Variants in ZSWIM5 observed in about 807,000 individuals in gnomAD.
ZSWIM5 encodes zinc finger SWIM domain-containing protein 5.
In ZSWIM5, 55 loss-of-function variants were observed where a neutral mutation model predicts 119.6. The observed-to-expected ratio is 0.46, with a 90% CI of 0.37 to 0.58. ZSWIM5 has a LOEUF of 0.58. Ranked by LOEUF, ZSWIM5 falls within the 20% of genes least tolerant of loss-of-function variation. The pLI is 0.00. For missense variants in ZSWIM5, 1,193 were observed against 1,512.8 expected, an observed-to-expected ratio of 0.79 and a Z score of 3.51; for synonymous variants, 537 against 606.9, an observed-to-expected ratio of 0.88 and a Z score of 1.69.
In ZSWIM5 at chr1:45,060,261, G is replaced by A; in HGVS notation, c.953-14C>T. 1 of 1,612,098 alleles carries A rather than the reference G, an allele frequency of 6.2e-7. No individual in the cohort carries two copies. The highest frequency in any genetic ancestry group is 8.5e-7 in the Non-Finnish European group (1 of 1,179,404). On this transcript the variant is annotated splice_polypyrimidine_tract_variant and intron_variant, in intron 2 of 13. Coordinates refer to ENST00000359600, the MANE Select transcript of ZSWIM5 (RefSeq NM_020883.2). ...GGTCAGGGGCACCTATGAAGAATGA[G>A]AACAGTGAAATGAATCACCTGAGTT...
chr1:45,092,546 C>CCT (rs1553193682), intron 1 of ZSWIM5, among the ~76,000 whole-genome samples: 2 of 98,390 alleles, frequency 2.0e-5, no homozygotes, highest in Non-Finnish European at 4.8e-5. Flanking sequence ...CCACCCCCCC[C>CCT]CCCCCGCCAG....
chr1:45,036,312 G>C lies in ZSWIM5; in HGVS notation c.1895-13C>G, dbSNP rs560988958. 6.2e-7 allele frequency: 1 copy of C among 1,605,168 alleles called. No individual in the cohort carries two copies. The highest frequency in any genetic ancestry group is 8.5e-7 in the Non-Finnish European group (1 of 1,175,664). ...CTTTCATTCATATCTGAGGGCAACA[G>C]GGCACCAAATTCTTTAGGTTAGGCT... On this transcript the variant is annotated splice_polypyrimidine_tract_variant and intron_variant, in intron 8 of 13. Transcript: ENST00000359600.
At chr1:45,085,806 G>GTC (rs1263114503) in intron 2 of ZSWIM5, among the ~76,000 whole-genome samples, 2 of 152,128 alleles carry the variant, frequency 1.3e-5, no homozygotes, top group African/African-American at 4.8e-5. Flanking sequence ...AATTTAACAA[G>GTC]TCTCTAGGAA....
Position 45,206,022 on chromosome 1 carries a change from C to G in ZSWIM5, c.329G>C (p.Cys110Ser). 6.2e-7 allele frequency: 1 copy of G among 1,602,970 alleles called. No individual in the cohort carries two copies. Among genetic ancestry groups the G allele is most frequent in the South Asian group, 1.1e-5 (1 of 90,352 alleles). Residue 110 changes from cysteine to serine, a missense_variant, in exon 1 of 14, where the codon TGC becomes TCC. Around this residue, in one of 2 missense-constraint regions of ZSWIM5, gnomAD observed 232 missense variants for 222.9 expected, o/e 1.04. Coordinates refer to ENST00000359600, the MANE Select transcript of ZSWIM5 (RefSeq NM_020883.2). ...CCGGTACTGGAAGCTGGAGTACATG[C>G]AGATCTCCCGCTCATTCCGCGGGAA... ...WSFPRNEREI[C>S]MYSSFQYRGG...
chr1:45,087,329 A>G (rs547189031), intron 2 of ZSWIM5, among the ~76,000 whole-genome samples: 1 of 152,350 alleles, frequency 6.6e-6, no homozygotes, highest in South Asian at 2.1e-4. Context: ...TAGACCCTCA[A>G]CAATCAGCAC....
chr1:45,070,414 G>A (rs191231976), intron 2 of ZSWIM5: 36 of 1,395,934 alleles, frequency 2.6e-5, no homozygotes, highest in Non-Finnish European at 3.4e-5. Context: ...AACGGGACAT[G>A]GTACAAAGTC....
intron 1 of ZSWIM5, among the ~76,000 whole-genome samples, chr1:45,121,363 C>CCTAT (rs1208879184): frequency 1.3e-5 from 2 of 152,184 alleles, no homozygotes; most frequent in African/African-American, 4.8e-5. Flanking sequence ...TATTCCTCTG[C>CCTAT]CTATCACTTT....
chr1:45,198,219 G>C (rs1408061756), intron 1 of ZSWIM5, among the ~76,000 whole-genome samples: 1 of 152,188 alleles, frequency 6.6e-6, no homozygotes, highest in Admixed American at 6.5e-5. Context: ...CAGCTAATAA[G>C]AGCAGGGCTT....
At chr1:45,163,791 A>G (rs1261802593) in intron 1 of ZSWIM5, among the ~76,000 whole-genome samples, 1 of 152,218 alleles carries the variant, frequency 6.6e-6, no homozygotes, top group Non-Finnish European at 1.5e-5. Flanking sequence ...AAAGAAATGA[A>G]CAAAGCCTCC....
intron 1 of ZSWIM5, among the ~76,000 whole-genome samples, chr1:45,117,882 G>A (rs181185290): frequency 1.3e-5 from 2 of 152,260 alleles, no homozygotes; most frequent in African/African-American, 4.8e-5. Flanking sequence ...GAAAAAGCAG[G>A]TGTCAATCAT....
At chr1:45,152,473 T>C (rs1000169759) in intron 1 of ZSWIM5, among the ~76,000 whole-genome samples, 21 of 152,134 alleles carry the variant, frequency 1.4e-4, no homozygotes, top group African/African-American at 4.8e-4. Context: ...ATCTGATCTT[T>C]GACAAAGTCA....
chr1:45,071,156 C>A (rs1047352149), intron 2 of ZSWIM5, among the ~76,000 whole-genome samples: 1 of 152,066 alleles, frequency 6.6e-6, no homozygotes, highest in Non-Finnish European at 1.5e-5. Context: ...TAAAAATGTA[C>A]AATTAAATTA....
intron 2 of ZSWIM5, among the ~76,000 whole-genome samples, chr1:45,077,370 G>A (rs346698): frequency 0.14 from 21,286 of 152,086 alleles, 1,533 homozygotes; most frequent in Non-Finnish European, 0.16. Context: ...GATATCACAC[G>A]TTGGTAGGAT....
intron 1 of ZSWIM5, among the ~76,000 whole-genome samples, chr1:45,203,228 C>T (rs1419358152): frequency 6.6e-6 from 1 of 152,042 alleles, no homozygotes; most frequent in African/African-American, 2.4e-5. Flanking sequence ...AACCAGAATT[C>T]ATGACTTCCC....
intron 4 of ZSWIM5, among the ~76,000 whole-genome samples, chr1:45,058,268 A>G (rs926384454): frequency 2.0e-5 from 3 of 152,260 alleles, no homozygotes; most frequent in Non-Finnish European, 4.4e-5. Context: ...GTGATACAGA[A>G]CAGCAGACTC....
chr1:45,127,601 A>G (rs190173914), intron 1 of ZSWIM5, among the ~76,000 whole-genome samples: 1 of 147,454 alleles, frequency 6.8e-6, no homozygotes, highest in Non-Finnish European at 1.5e-5. Context: ...AGGCTAATTT[A>G]AAAAAAAAAA....
At chr1:45,137,061 G>A (rs1345556481) in intron 1 of ZSWIM5, among the ~76,000 whole-genome samples, 1 of 152,062 alleles carries the variant, frequency 6.6e-6, no homozygotes, top group Non-Finnish European at 1.5e-5. Context: ...TCATTGCCTT[G>A]GTACTTTCTG....
At chr1:45,153,448 G>A (rs1645809859) in intron 1 of ZSWIM5, among the ~76,000 whole-genome samples, 1 of 151,302 alleles carries the variant, frequency 6.6e-6, no homozygotes. Context: ...AGAGGTTGTG[G>A]TGAGCCAAAA....
At chr1:45,157,380 G>A (rs1321334075) in intron 1 of ZSWIM5, among the ~76,000 whole-genome samples, 1 of 152,174 alleles carries the variant, frequency 6.6e-6, no homozygotes, top group East Asian at 1.9e-4. Context: ...CTCCCATGGT[G>A]GCCAGGCTGG....
Sources: allele counts gnomAD v4.1 joint callset (sites outside exome capture counted in the v4.1 genomes callset), GRCh38; gene constraint gnomAD v4.1.1; regional missense constraint gnomAD v4.1.1; transcripts MANE v1.5; gene names NCBI Gene and HGNC (gene_info 2026-07-23, HGNC 2026-07-21).